The following NFIB variants were observed in gnomAD, a reference collection of about 807,000 sequenced individuals.
The protein encoded by NFIB is nuclear factor I B, also known as nuclear factor 1 B-type.
NFIB carries 11 observed loss-of-function variants against 61.5 expected under a neutral mutation model. The ratio of observed to expected loss-of-function variants is 0.18; its 90% CI spans 0.11 to 0.30. The LOEUF is 0.30. Among genes scored for constraint, NFIB ranks in the 10% least tolerant of loss-of-function variants. The probability of loss-of-function intolerance (pLI) is 1.00; values close to 1 mark genes in which losing one functional copy is unlikely to be tolerated. For missense variants in NFIB, 471 were observed against 608.9 expected (o/e 0.77, Z 2.38); for synonymous variants, 260 against 216.5 (o/e 1.20, Z -1.76).
At chr9:14,393,424 G>C (rs574331387) in intron 1 of NFIB, among the ~76,000 whole-genome samples, 2 of 152,222 alleles carry the variant, frequency 1.3e-5, no homozygotes, top group East Asian at 3.9e-4. Flanking sequence ...TGGAAGTCGT[G>C]TTACCCTCTT....
At chr9:14,372,312 C>A (rs2061367451) in intron 1 of NFIB, among the ~76,000 whole-genome samples, 1 of 152,118 alleles carries the variant, frequency 6.6e-6, no homozygotes, top group Non-Finnish European at 1.5e-5. Context: ...CCAGCTTAAG[C>A]ATAAGGAGCC....
chr9:14,263,684 T>C (rs974135397), intron 2 of NFIB, among the ~76,000 whole-genome samples: 7 of 152,204 alleles, frequency 4.6e-5, no homozygotes, highest in African/African-American at 1.7e-4. Context: ...TGTGTGTGCA[T>C]CTGTGACGAA....
chr9:14,426,067 C>T, the NFIB span, among the ~76,000 whole-genome samples: 1 of 151,964 alleles, frequency 6.6e-6, no homozygotes. Context: ...TTTGGAAATG[C>T]GTTGGAGATG....
At chr9:14,297,620 T>C (rs1422456757) in intron 2 of NFIB, among the ~76,000 whole-genome samples, 1 of 152,250 alleles carries the variant, frequency 6.6e-6, no homozygotes, top group Non-Finnish European at 1.5e-5. Flanking sequence ...TCCCAGGTTC[T>C]AGCGCCTGTA....
At chr9:14,421,084 C>CAA in the NFIB span, among the ~76,000 whole-genome samples, 13,102 of 135,710 alleles carry the variant, frequency 0.097, 864 homozygotes, top group African/African-American at 0.19. Context: ...GGATCTTTGG[C>CAA]AAAAAAAAAA....
chr9:14,124,374 A>C (rs533686990), intron 7 of NFIB, among the ~76,000 whole-genome samples: 114 of 152,326 alleles, frequency 7.5e-4, no homozygotes, highest in African/African-American at 2.7e-3. Flanking sequence ...AAAAGTTCTT[A>C]TACCACATTT....
chr9:14,528,325 C>T, the NFIB span, among the ~76,000 whole-genome samples: 25 of 152,246 alleles, frequency 1.6e-4, no homozygotes, highest in East Asian at 3.7e-3. Context: ...TGTGAGGGTA[C>T]TTGGTTCACT....
At chr9:14,159,083 T>C (rs1342322934) in intron 3 of NFIB, among the ~76,000 whole-genome samples, 1 of 152,086 alleles carries the variant, frequency 6.6e-6, no homozygotes, top group East Asian at 1.9e-4. Flanking sequence ...TGGAGTGGGG[T>C]GTGAGCCTGT....
At chr9:14,509,931 C>T in the NFIB span, among the ~76,000 whole-genome samples, 1 of 152,200 alleles carries the variant, frequency 6.6e-6, no homozygotes, top group African/African-American at 2.4e-5. Flanking sequence ...GAGTCTCGCT[C>T]TGTCGCCCAG....
intron 3 of NFIB, among the ~76,000 whole-genome samples, chr9:14,161,137 T>C (rs970396125): frequency 6.6e-6 from 1 of 152,174 alleles, no homozygotes; most frequent in Non-Finnish European, 1.5e-5. Context: ...AACTAACCCA[T>C]TGGTAATTTT....
chr9:14,379,905 A>G (rs2061466176), intron 1 of NFIB, among the ~76,000 whole-genome samples: 1 of 151,166 alleles, frequency 6.6e-6, no homozygotes, highest in African/African-American at 2.4e-5. Flanking sequence ...CTGGTCTCGA[A>G]CTCCTGACCT....
At chr9:14,433,753 C>A in the NFIB span, among the ~76,000 whole-genome samples, 25 of 152,214 alleles carry the variant, frequency 1.6e-4, no homozygotes, top group Admixed American at 5.2e-4. Context: ...CCACACACAA[C>A]ACACTTGCAA....
chr9:14,440,967 A>G, the NFIB span, among the ~76,000 whole-genome samples: 13 of 152,316 alleles, frequency 8.5e-5, no homozygotes, highest in South Asian at 1.0e-3. Flanking sequence ...TCTTACTATT[A>G]TCATCATTAT....
intron 2 of NFIB, among the ~76,000 whole-genome samples, chr9:14,280,672 G>T (rs2058312737): frequency 6.6e-6 from 1 of 152,138 alleles, no homozygotes; most frequent in East Asian, 1.9e-4. Flanking sequence ...GTTAGGCAAG[G>T]GGGGACTCAG....
the NFIB span, among the ~76,000 whole-genome samples, chr9:14,442,300 G>A: frequency 6.6e-6 from 1 of 152,142 alleles, no homozygotes; most frequent in Non-Finnish European, 1.5e-5. Flanking sequence ...ACAGGAACAT[G>A]CATCTCTGAT....
the NFIB span, among the ~76,000 whole-genome samples, chr9:14,451,900 C>G: frequency 2.0e-5 from 3 of 151,750 alleles, no homozygotes; most frequent in Admixed American, 2.0e-4. Context: ...AGTTCTGAAC[C>G]TGTCGTCCTG....
the NFIB span, among the ~76,000 whole-genome samples, chr9:14,445,603 G>A: frequency 1.3e-5 from 2 of 152,170 alleles, no homozygotes; most frequent in South Asian, 4.2e-4. Flanking sequence ...CTGTCAATGT[G>A]CACATTAATT....
At chr9:14,402,495 T>C (rs2061752816), upstream of NFIB, among the ~76,000 whole-genome samples, 1 of 152,220 alleles carries the variant, frequency 6.6e-6, no homozygotes, top group East Asian at 1.9e-4. Context: ...ATTAATGTTG[T>C]AATGGGATTA....
intron 1 of NFIB, among the ~76,000 whole-genome samples, chr9:14,371,724 G>C (rs1321163258): frequency 6.6e-6 from 1 of 152,182 alleles, no homozygotes; most frequent in East Asian, 1.9e-4. Flanking sequence ...CTATTCATTT[G>C]GTAGTAGCTA....
Sources: gnomAD v4.1 joint callset for allele counts (sites outside exome capture counted in the v4.1 genomes callset) on GRCh38, gnomAD v4.1.1 for gene constraint, MANE v1.5 for transcripts, NCBI Gene and HGNC (gene_info 2026-07-23, HGNC 2026-07-21) for gene names.